Variants in LAMP1 observed in about 807,000 individuals in gnomAD.
The protein encoded by LAMP1 is lysosome-associated membrane glycoprotein 1.
LAMP1 carries 7 observed loss-of-function variants against 37.5 expected under a neutral mutation model. That is an observed-to-expected ratio of 0.19 (90% CI 0.11 to 0.35). The LOEUF (loss-of-function observed/expected upper bound fraction) is 0.35, where lower values mean the gene tolerates loss of function less well. Ranked by LOEUF, LAMP1 falls within the 10% of genes least tolerant of loss-of-function variation. LAMP1 has a pLI of 1.00. For synonymous variants in LAMP1, 236 were observed against 229.1 expected (o/e 1.03, Z -0.27); for missense variants, 537 against 552.8 (o/e 0.97, Z 0.29).
intron 1 of LAMP1, among the ~76,000 whole-genome samples, chr13:113,298,412 C>A (rs566398413): frequency 6.6e-6 from 1 of 152,036 alleles, no homozygotes; most frequent in Non-Finnish European, 1.5e-5. Flanking sequence ...CCTCCTCCCC[C>A]CGCCGCCCTC....
rs1221231344 is a variant in LAMP1 at position 113,297,895 on chromosome 13, G to A, written c.61+400G>A. The stretch of plus-strand genomic sequence containing the variant: ...CTGCGCCGCCGAAGGTGGCAGGGAC[G>A]TCTGTGGTCTCAGCTCCCGGGTGGG... On this transcript the variant is annotated intron_variant, in intron 1 of 8. Transcript: ENST00000332556. This position sits in a 1 kb window ranked among gnomAD's most constrained non-coding sequence, Gnocchi z 4.4. 6.6e-6 allele frequency among the ~76,000 whole-genome samples: 1 copy of A among 152,154 alleles called. No individual in the cohort carries two copies. The highest frequency in any genetic ancestry group is 1.5e-5 in the Non-Finnish European group (1 of 68,036).
rs1161593860 is a variant in LAMP1 at position 113,301,627 on chromosome 13, T to TAA, written c.61+4149_61+4150dup. Among the ~76,000 whole-genome samples the TAA allele has an allele frequency of 6.2e-3, 58 of 9,386 alleles. 1 individual carries two copies. Among genetic ancestry groups the TAA allele is most frequent in the African/African-American group, 0.015 (54 of 3,536 alleles). The allele number at this position is 9,386 out of a possible 152,430, so 6.2% of individuals were successfully genotyped here. A position where few individuals can be genotyped will look rare whatever the true frequency, so the allele number is the denominator to read the frequency against. On this transcript the variant is annotated intron_variant, in intron 1 of 8. Transcript: ENST00000332556. ...GACAGAGTGAGACTCTGTTTCCATT[T>TAA]AAAAAAAAAAAAAAAAAATATATAT...
At chr13:113,309,347 C>G (rs2042616938) in intron 2 of LAMP1, among the ~76,000 whole-genome samples, 1 of 152,172 alleles carries the variant, frequency 6.6e-6, no homozygotes, top group African/African-American at 2.4e-5. Flanking sequence ...GCAATCCCCC[C>G]ACCTCAGCCT....
At chr13:113,307,131 G>C (rs1157774068) in intron 2 of LAMP1, among the ~76,000 whole-genome samples, 1 of 139,556 alleles carries the variant, frequency 7.2e-6, no homozygotes, top group East Asian at 2.2e-4. Flanking sequence ...GAGCCACCGC[G>C]CCCAGCCTAT....
intron 2 of LAMP1, among the ~76,000 whole-genome samples, chr13:113,309,067 G>C (rs530627033): frequency 3.3e-5 from 5 of 152,102 alleles, no homozygotes; most frequent in African/African-American, 9.7e-5. Context: ...TTTAAATTCT[G>C]TTATAAATTA....
At chr13:113,316,276 C>T (rs1050497838) in intron 4 of LAMP1, among the ~76,000 whole-genome samples, 1 of 152,136 alleles carries the variant, frequency 6.6e-6, no homozygotes, top group Non-Finnish European at 1.5e-5. Context: ...TTTATGAGTT[C>T]ACCGGGAGGA....
chr13:113,309,662 C>T lies in LAMP1; in HGVS notation c.203C>T (p.Pro68Leu). The change falls in exon 3 of 9, where the codon CCA becomes CTA. Residue 68 changes from proline (P) to leucine (L), a missense_variant. Physicochemically the swap from Pro to Leu is moderately conservative, Grantham distance 98. Coordinates refer to ENST00000332556, the MANE Select transcript of LAMP1 (RefSeq NM_005561.4). The part of the protein sequence containing the change: ...SGPKNMTFDL[P>L]SDATVVLNRS... Reference sequence around the variant, plus strand: ...TTCTAGAACATGACCTTTGACCTGCCATCAGATGCCACAGTGGTGCTCAAC... The same window carrying T: ...TTCTAGAACATGACCTTTGACCTGCTATCAGATGCCACAGTGGTGCTCAAC... The T allele has an allele frequency of 6.2e-7, 1 of 1,613,574 alleles. No homozygotes were observed. Among genetic ancestry groups the T allele is most frequent in the East Asian group, 2.2e-5 (1 of 44,870 alleles).
At chr13:113,313,573 C>G (rs531888574) in intron 4 of LAMP1, among the ~76,000 whole-genome samples, 7 of 146,366 alleles carry the variant, frequency 4.8e-5, no homozygotes, top group African/African-American at 2.6e-5. Context: ...TGTGGAGATG[C>G]CGGTGTGCCT....
chr13:113,312,478 G>A (rs141752894), intron 4 of LAMP1, among the ~76,000 whole-genome samples: 4 of 152,170 alleles, frequency 2.6e-5, no homozygotes, highest in Non-Finnish European at 5.9e-5. Context: ...GTAGCTTTGC[G>A]GCAGACTTTG....
intron 1 of LAMP1, among the ~76,000 whole-genome samples, chr13:113,301,043 T>G (rs2042568457): frequency 6.6e-6 from 1 of 152,220 alleles, no homozygotes; most frequent in South Asian, 2.1e-4. Flanking sequence ...TGGTAACATC[T>G]GTTCGGCTGC....
chr13:113,300,588 C>G (rs2042566015), intron 1 of LAMP1, among the ~76,000 whole-genome samples: 1 of 151,966 alleles, frequency 6.6e-6, no homozygotes, highest in African/African-American at 2.4e-5. Flanking sequence ...AGGCCGATCA[C>G]TAGGTCAAGA....
At chr13:113,308,069 C>T (rs1346868533) in intron 2 of LAMP1, among the ~76,000 whole-genome samples, 2 of 151,556 alleles carry the variant, frequency 1.3e-5, no homozygotes, top group Non-Finnish European at 2.9e-5. Context: ...GGCTGGAGTA[C>T]AGTGCCAAGA....
chr13:113,322,264 A>G lies in LAMP1; in HGVS notation c.1115-18A>G. ...CCTGTGTGAGCAGAGCCCTGACACC[A>G]TCCGTCTGTCTTGGCAGTGGAGGAG... On this transcript the variant is annotated intron_variant, in intron 8 of 8. Coordinates refer to ENST00000332556, the MANE Select transcript of LAMP1 (RefSeq NM_005561.4). The G allele has an allele frequency of 6.2e-7, 1 of 1,603,350 alleles. No individual in the cohort carries two copies. The highest frequency in any genetic ancestry group is 1.1e-5 in the South Asian group (1 of 90,362).
intron 5 of LAMP1, among the ~76,000 whole-genome samples, 197 bp downstream of exon 5, chr13:113,319,853 C>A (rs959871188): frequency 1.3e-5 from 2 of 152,256 alleles, no homozygotes; most frequent in Admixed American, 1.3e-4. Context: ...CACAGCCGTC[C>A]TGCTGGTTCC....
Position 113,301,662 on chromosome 13 carries a change from T to A in LAMP1, c.61+4167T>A, listed in dbSNP as rs1249683657. Among the ~76,000 whole-genome samples the A allele has an allele frequency of 4.5e-3, 12 of 2,648 alleles. 1 individual carries two copies. Among genetic ancestry groups the A allele is most frequent in the Middle Eastern group, 1 (2 of 2 alleles). The allele number at this position is 2,648 out of a possible 152,430, so 1.7% of individuals were successfully genotyped here. ...AAAAAAAAATATATATATATATATA[T>A]ATATATATATATATATATATATATA... On this transcript the variant is annotated intron_variant, in intron 1 of 8. Coordinates refer to ENST00000332556, the MANE Select transcript of LAMP1 (RefSeq NM_005561.4).
chr13:113,307,339 G>A lies in LAMP1; in HGVS notation c.183+733G>A, dbSNP rs186009948. On this transcript the variant is annotated intron_variant, in intron 2 of 8. Coordinates refer to ENST00000332556, the MANE Select transcript of LAMP1 (RefSeq NM_005561.4). The stretch of plus-strand genomic sequence containing the variant: ...CGCCTGGCTGATTTTTGTATTTTTG[G>A]TAGAGACGGGGTTTCACCATGTTGG... 7.0e-3 allele frequency among the ~76,000 whole-genome samples: 1,063 copies of A among 151,198 alleles called. 4 individuals are homozygous for A. The highest frequency in any genetic ancestry group is 9.7e-3 in the Non-Finnish European group (658 of 67,872).
At chr13:113,311,710 C>G (rs1279023456) in intron 4 of LAMP1, among the ~76,000 whole-genome samples, 1 of 152,196 alleles carries the variant, frequency 6.6e-6, no homozygotes, top group South Asian at 2.1e-4. Flanking sequence ...GGGTAGTTTA[C>G]CTCTCATTTT....
chr13:113,317,576 T>C (rs901723578), intron 4 of LAMP1, among the ~76,000 whole-genome samples: 1 of 152,234 alleles, frequency 6.6e-6, no homozygotes, highest in Non-Finnish European at 1.5e-5. Flanking sequence ...GGTTACACTT[T>C]TTCTGTGCGT....
chr13:113,321,173 C>G lies in LAMP1; in HGVS notation c.877-231C>G, dbSNP rs931092664. 5 of 509,108 alleles carry G rather than the reference C, an allele frequency of 9.8e-6. No individual in the cohort carries two copies. The highest frequency in any genetic ancestry group is 1.8e-5 in the Non-Finnish European group (5 of 281,832). 31.5% of individuals were successfully genotyped at this position (509,108 alleles called of 1,614,324 possible). A position where few individuals can be genotyped will look rare whatever the true frequency, so the allele number is the denominator to read the frequency against. The stretch of plus-strand genomic sequence containing the variant: ...CCAGCCTGGGTGACAGAGCAAGACT[C>G]TCAGAGAAGGGTCTGGAAGGAACTA... On this transcript the variant is annotated intron_variant, in intron 6 of 8. Transcript: ENST00000332556. This position sits in a 1 kb window ranked among gnomAD's most constrained non-coding sequence, Gnocchi z 5.6.
Sources: gnomAD v4.1 joint callset for allele counts (sites outside exome capture counted in the v4.1 genomes callset) on GRCh38, gnomAD v4.1.1 for gene constraint, Gnocchi (gnomAD v3.1) non-coding constraint, MANE v1.5 for transcripts, NCBI Gene and HGNC (gene_info 2026-07-23, HGNC 2026-07-21) for gene names.